Variants in PDE1C observed in about 807,000 individuals in gnomAD.
The protein encoded by PDE1C is dual specificity calcium/calmodulin-dependent 3',5'-cyclic nucleotide phosphodiesterase 1C.
PDE1C carries 62 observed loss-of-function variants against 93.1 expected under a neutral mutation model. The observed-to-expected ratio is 0.67, with a 90% confidence interval of 0.54 to 0.82. The LOEUF (loss-of-function observed/expected upper bound fraction) is 0.82. PDE1C is among the 40% of genes least tolerant of loss of function. The pLI is 0.00. For missense variants in PDE1C, 742 were observed against 884.6 expected, an observed-to-expected ratio of 0.84 and a Z score of 2.04; for synonymous variants, 325 against 310.1, an observed-to-expected ratio of 1.05 and a Z score of -0.50.
At chr7:31,975,624 C>T (rs989958285) in intron 2 of PDE1C, among the ~76,000 whole-genome samples, 19 of 151,768 alleles carry the variant, frequency 1.3e-4, no homozygotes, top group African/African-American at 2.4e-4. Context: ...TCAGAGAAAC[C>T]GACAGAGAAT....
intron 14 of PDE1C, among the ~76,000 whole-genome samples, chr7:31,821,546 T>C (rs895472473): frequency 1.3e-5 from 2 of 152,118 alleles, no homozygotes; most frequent in Admixed American, 1.3e-4. Flanking sequence ...CTGCTTGCAA[T>C]GCCTGCCAAC....
intron 2 of PDE1C, among the ~76,000 whole-genome samples, chr7:32,020,413 A>T (rs1192393348): frequency 3.9e-5 from 6 of 152,128 alleles, no homozygotes; most frequent in African/African-American, 1.4e-4. Flanking sequence ...AAATTTTTTT[A>T]AGGGAAATTA....
At chr7:32,083,177 C>G (rs1251171329) in intron 3 of PDE1C, among the ~76,000 whole-genome samples, 1 of 152,018 alleles carries the variant, frequency 6.6e-6, no homozygotes, top group East Asian at 1.9e-4. Context: ...AAGCTGAAAG[C>G]CAAGGCTTGA....
chr7:32,087,672 T>C (rs1412599018), intron 3 of PDE1C, among the ~76,000 whole-genome samples: 1 of 151,996 alleles, frequency 6.6e-6, no homozygotes, highest in African/African-American at 2.4e-5. Flanking sequence ...TATGCAGCCA[T>C]AAAAAAGGAT....
chr7:32,349,136 G>A (rs215688), intron 1 of PDE1C, among the ~76,000 whole-genome samples: 147,347 of 152,328 alleles, frequency 0.97, 71,472 homozygotes, highest in East Asian at 1. Flanking sequence ...AGTAGCCCTC[G>A]CAGTCACCTG....
At position 31,807,117 on chromosome 7, in the gene PDE1C, A is replaced by C. The variant is rs77200592; in HGVS notation, c.1891+1914T>G. Among the ~76,000 whole-genome samples, 618 of 152,022 alleles carry C rather than the reference A, an allele frequency of 4.1e-3. 2 individuals are homozygous for C. The highest frequency in any genetic ancestry group is 0.014 in the African/African-American group (594 of 41,510). ...GCTCAATGCTCTAAGTTCTATTGAT[A>C]CCAAAGCAGTAATGATGTCATATTA... On this transcript the variant is annotated intron_variant, in intron 16 of 17. Transcript: ENST00000396191.
the PDE1C span, among the ~76,000 whole-genome samples, chr7:31,627,569 G>A: frequency 6.8e-6 from 1 of 147,126 alleles, no homozygotes; most frequent in Non-Finnish European, 1.5e-5. Flanking sequence ...GAGGCAGGAG[G>A]ATTGCTTGAG....
intron 2 of PDE1C, among the ~76,000 whole-genome samples, chr7:31,886,238 C>A (rs2128889429): frequency 6.6e-6 from 1 of 152,330 alleles, no homozygotes; most frequent in African/African-American, 2.4e-5. Flanking sequence ...CATACACCTG[C>A]CTCCTCCATG....
Position 32,389,232 on chromosome 7 carries a change from T to C in PDE1C, c.310+38590A>G, listed in dbSNP as rs138017266. Among the ~76,000 whole-genome samples the C allele has an allele frequency of 7.4e-3, 1,074 of 144,328 alleles. 5 individuals are homozygous for C. Among genetic ancestry groups the C allele is most frequent in the Non-Finnish European group, 0.011 (737 of 66,108 alleles). 94.7% of individuals were successfully genotyped at this position (144,328 alleles called of 152,430 possible). A position where few individuals can be genotyped will look rare whatever the true frequency, so the allele number is the denominator to read the frequency against. On this transcript the variant is annotated intron_variant, in intron 1 of 1. Coordinates refer to the PDE1C transcript ENST00000672256. The stretch of plus-strand genomic sequence containing the variant: ...TTTGTTTGTTTGTTTGTTTGTTTGT[T>C]TGTTATGGAGTCTCACTGTCTCACC...
intron 3 of PDE1C, among the ~76,000 whole-genome samples, chr7:32,120,234 T>A (rs1799220358): frequency 6.6e-6 from 1 of 152,192 alleles, no homozygotes; most frequent in Non-Finnish European, 1.5e-5. Context: ...GACAGAACCC[T>A]GATCTCCCTG....
intron 9 of PDE1C, among the ~76,000 whole-genome samples, chr7:31,840,049 A>T (rs1791655995): frequency 6.6e-6 from 1 of 152,172 alleles, no homozygotes; most frequent in Non-Finnish European, 1.5e-5. Context: ...TTAAAAAAGA[A>T]AAAAGAAACT....
the PDE1C span, among the ~76,000 whole-genome samples, chr7:31,663,021 C>T: frequency 6.6e-6 from 1 of 152,148 alleles, no homozygotes; most frequent in Non-Finnish European, 1.5e-5. Context: ...CTGGCTTTAT[C>T]CCATCCAAAT....
chr7:32,322,042 C>T (rs1783302176), intron 1 of PDE1C, among the ~76,000 whole-genome samples: 1 of 152,180 alleles, frequency 6.6e-6, no homozygotes, highest in Admixed American at 6.5e-5. Flanking sequence ...TGAAGGCCTA[C>T]TAGGGGAAGG....
intron 1 of PDE1C, among the ~76,000 whole-genome samples, chr7:32,055,938 T>C (rs1193688718): frequency 1.3e-5 from 2 of 152,326 alleles, no homozygotes; most frequent in East Asian, 3.9e-4. Context: ...CAGGCTGGTC[T>C]GGAACTCCTG....
chr7:32,227,603 A>C (rs1195068635), intron 1 of PDE1C, among the ~76,000 whole-genome samples: 1 of 152,166 alleles, frequency 6.6e-6, no homozygotes, highest in Admixed American at 6.5e-5. Flanking sequence ...CTGTTGGGGA[A>C]GTGTGACATC....
chr7:31,638,439 G>A, the PDE1C span, among the ~76,000 whole-genome samples: 28 of 152,152 alleles, frequency 1.8e-4, no homozygotes, highest in Non-Finnish European at 2.5e-4. Context: ...CAAACTATCC[G>A]GTTTTATAAT....
the PDE1C span, chr7:31,658,136 G>C: frequency 1.2e-5 from 7 of 574,840 alleles, no homozygotes; most frequent in East Asian, 3.2e-5. Flanking sequence ...AAACCTTGAG[G>C]GTTGCTCTGA....
chr7:31,697,350 C>A, the PDE1C span, among the ~76,000 whole-genome samples: 1 of 152,162 alleles, frequency 6.6e-6, no homozygotes, highest in East Asian at 1.9e-4. Context: ...CATGCCTCAG[C>A]AGAGCTGGTT....
chr7:31,886,840 T>C (rs1797969848), intron 2 of PDE1C, among the ~76,000 whole-genome samples: 2 of 148,196 alleles, frequency 1.3e-5, no homozygotes, highest in Non-Finnish European at 3.0e-5. Flanking sequence ...AGAATAGATC[T>C]TTTCGGATCT....
Sources: gnomAD v4.1 joint callset for allele counts (sites outside exome capture counted in the v4.1 genomes callset) on GRCh38, gnomAD v4.1.1 for gene constraint, MANE v1.5 for transcripts, NCBI Gene and HGNC (gene_info 2026-07-23, HGNC 2026-07-21) for gene names.